The following GRM7 variants were observed in gnomAD, a reference collection of about 807,000 sequenced individuals.
The protein encoded by GRM7 is glutamate metabotropic receptor 7.
GRM7 carries 35 observed loss-of-function variants against 84.5 expected under a neutral mutation model. The ratio of observed to expected loss-of-function variants is 0.41; its 90% CI spans 0.32 to 0.55. The LOEUF (loss-of-function observed/expected upper bound fraction) is 0.55. Ranked by LOEUF, GRM7 falls within the 20% of genes least tolerant of loss-of-function variation. The pLI is 0.19. For missense variants in GRM7, 1,003 were observed against 1,194.6 expected (o/e 0.84, Z 2.36); for synonymous variants, 487 against 455.1 (o/e 1.07, Z -0.89).
intron 3 of GRM7, among the ~76,000 whole-genome samples, chr3:7,302,310 A>G (rs2125027170): frequency 6.6e-6 from 1 of 152,294 alleles, no homozygotes; most frequent in Non-Finnish European, 1.5e-5. Flanking sequence ...CAGAATAAAG[A>G]TCACATAGAA....
intron 2 of GRM7, among the ~76,000 whole-genome samples, chr3:7,233,288 A>G (rs1697251541): frequency 6.6e-6 from 1 of 152,166 alleles, no homozygotes; most frequent in African/African-American, 2.4e-5. Context: ...TCAGAAGGCT[A>G]AAAAGACTTC....
intron 7 of GRM7, among the ~76,000 whole-genome samples, chr3:7,522,584 A>G (rs1233787442): frequency 6.6e-6 from 1 of 152,064 alleles, no homozygotes; most frequent in Non-Finnish European, 1.5e-5. Flanking sequence ...CTTTCCATAC[A>G]TTTATGATGT....
intron 1 of GRM7, among the ~76,000 whole-genome samples, chr3:7,115,098 T>C (rs900686587): frequency 2.6e-5 from 4 of 152,206 alleles, no homozygotes; most frequent in African/African-American, 9.6e-5. Context: ...TCCATAGATA[T>C]GTATTCTAAG....
At chr3:6,888,276 T>A (rs1421980811) in intron 1 of GRM7, among the ~76,000 whole-genome samples, 5 of 152,212 alleles carry the variant, frequency 3.3e-5, no homozygotes, top group African/African-American at 2.4e-5. Flanking sequence ...TTGCCATTGC[T>A]TTTGGTGTTT....
At chr3:7,448,549 T>G (rs187082602) in intron 5 of GRM7, among the ~76,000 whole-genome samples, 105 of 152,200 alleles carry the variant, frequency 6.9e-4, no homozygotes, top group African/African-American at 2.4e-3. Context: ...GGTATATGAG[T>G]AGTCAAAGAC....
chr3:7,504,822 C>T (rs1699992002), intron 7 of GRM7, among the ~76,000 whole-genome samples: 1 of 152,084 alleles, frequency 6.6e-6, no homozygotes, highest in Non-Finnish European at 1.5e-5. Context: ...GTCTCTAGCC[C>T]CCAAAATTAA....
intron 4 of GRM7, among the ~76,000 whole-genome samples, chr3:7,322,667 A>G (rs868688625): frequency 6.6e-6 from 1 of 151,218 alleles, no homozygotes; most frequent in Admixed American, 6.6e-5. Flanking sequence ...TTGTTTTTCC[A>G]TTCCTGAGTT....
chr3:7,138,067 T>A (rs1380194903), intron 1 of GRM7, among the ~76,000 whole-genome samples: 3 of 152,054 alleles, frequency 2.0e-5, no homozygotes, highest in African/African-American at 7.2e-5. Flanking sequence ...TTTCTATAGA[T>A]ATAATTTTAT....
intron 8 of GRM7, among the ~76,000 whole-genome samples, chr3:7,613,591 G>C (rs1255696029): frequency 6.6e-6 from 1 of 152,116 alleles, no homozygotes; most frequent in Non-Finnish European, 1.5e-5. Context: ...TCAGAATGCT[G>C]ACATTTTGCT....
At chr3:7,424,459 G>A (rs1254370927) in intron 5 of GRM7, among the ~76,000 whole-genome samples, 7 of 152,074 alleles carry the variant, frequency 4.6e-5, no homozygotes, top group Admixed American at 6.6e-5. Context: ...ATGTGTTTAC[G>A]TTATTCTAGT....
intron 5 of GRM7, among the ~76,000 whole-genome samples, chr3:7,430,628 A>G (rs1696788600): frequency 6.6e-6 from 1 of 152,208 alleles, no homozygotes; most frequent in Admixed American, 6.5e-5. Flanking sequence ...AAATGAAAAC[A>G]TATGTCTACA....
intron 1 of GRM7, among the ~76,000 whole-genome samples, chr3:7,085,034 G>GGTA (rs898263572): frequency 3.2e-4 from 49 of 152,230 alleles, no homozygotes; most frequent in African/African-American, 1.1e-3. Flanking sequence ...CATATCCTCA[G>GGTA]GTAGTATTCC....
chr3:6,884,470 T>G (rs940435208), intron 1 of GRM7, among the ~76,000 whole-genome samples: 3 of 152,222 alleles, frequency 2.0e-5, no homozygotes. Context: ...TTAATTTGAT[T>G]AGACACAATC....
intron 4 of GRM7, among the ~76,000 whole-genome samples, chr3:7,346,234 TTTAACAACATTAGCCAAGTGG>T (rs771444869): frequency 7.6e-4 from 115 of 152,264 alleles, no homozygotes; most frequent in Non-Finnish European, 1.4e-3. Context: ...GATCTCAGAT[TTTAACAACATTAGCCAAGTGG>T]TTACCAGCTC....
chr3:7,038,180 T>G (rs1696450956), intron 1 of GRM7, among the ~76,000 whole-genome samples: 1 of 152,122 alleles, frequency 6.6e-6, no homozygotes, highest in South Asian at 2.1e-4. Context: ...CCTTACAACA[T>G]GATTGAAGGT....
At position 7,245,192 on chromosome 3, in the gene GRM7, C is replaced by A. The variant is rs1297398861; in HGVS notation, c.737-53492C>A. ...AGATAATATCAAGTAGCATGACATACCCGGACTCCCTAAAGGGTAGGAAAG... is the reference window on the plus strand; with the variant it reads ...AGATAATATCAAGTAGCATGACATAACCGGACTCCCTAAAGGGTAGGAAAG... On this transcript the variant is annotated intron_variant, in intron 2 of 9. Coordinates refer to ENST00000357716, the MANE Select transcript of GRM7 (RefSeq NM_000844.4). Among the ~76,000 whole-genome samples the A allele has an allele frequency of 2.0e-5, 3 of 151,772 alleles. No individual in the cohort carries two copies. In the South Asian group the frequency reaches 6.2e-4, roughly 32 times the overall value.
intron 4 of GRM7, among the ~76,000 whole-genome samples, chr3:7,368,092 A>G (rs1693982269): frequency 6.6e-6 from 1 of 152,062 alleles, no homozygotes; most frequent in Non-Finnish European, 1.5e-5. Context: ...CAAGTGTAAG[A>G]GATGCATATA....
chr3:7,644,216 ATATATGTGTG>A (rs1698516555), intron 8 of GRM7, among the ~76,000 whole-genome samples: 2 of 47,928 alleles, frequency 4.2e-5, no homozygotes, highest in Admixed American at 4.7e-4. Context: ...GTCTGTACAT[ATATATGTGTG>A]TGTCTGTACA....
intron 8 of GRM7, among the ~76,000 whole-genome samples, chr3:7,677,284 A>ACCC (rs1203493574): frequency 6.7e-6 from 1 of 149,244 alleles, no homozygotes; most frequent in African/African-American, 2.5e-5. Flanking sequence ...AAAAAAAAAA[A>ACCC]AAAAAAAAAA....
Sources: allele counts gnomAD v4.1 joint callset (sites outside exome capture counted in the v4.1 genomes callset), GRCh38; gene constraint gnomAD v4.1.1; transcripts MANE v1.5; gene names NCBI Gene and HGNC (gene_info 2026-07-23, HGNC 2026-07-21).